Variants in POLD3 observed in about 807,000 individuals in gnomAD.
POLD3 encodes DNA polymerase delta 3, accessory subunit.
In POLD3, 19 loss-of-function variants were observed where a neutral mutation model predicts 58.2. The ratio of observed to expected loss-of-function variants is 0.33; its 90% confidence interval spans 0.23 to 0.48. The LOEUF (loss-of-function observed/expected upper bound fraction) is 0.48, where lower values mean the gene tolerates loss of function less well. Ranked by LOEUF, POLD3 falls within the 20% of genes least tolerant of loss-of-function variation. The pLI is 0.99. For synonymous variants in POLD3, 172 were observed against 193.5 expected (o/e 0.89, Z 0.92); for missense variants, 504 against 545.5 (o/e 0.92, Z 0.76).
At chr11:74,594,145 C>A (rs150529151) in intron 2 of POLD3, 29 bp downstream of exon 2, 94 of 1,380,212 alleles carry the variant, frequency 6.8e-5, no homozygotes, top group Non-Finnish European at 8.3e-5. Flanking sequence ...CAATTTTAAT[C>A]ATATTGGAAT....
At position 74,616,536 on chromosome 11, in the gene POLD3, C is replaced by G. The variant is rs150186500; in HGVS notation, c.393-2001C>G. ...TTTCAAGGCCAACTTCAGACGTTGA[C>G]AGTGAAATAAAACATTACTCTTTTC... On this transcript the variant is annotated intron_variant, in intron 5 of 11. Coordinates refer to ENST00000263681, the MANE Select transcript of POLD3 (RefSeq NM_006591.3). 1.9e-3 allele frequency among the ~76,000 whole-genome samples: 283 copies of G among 152,316 alleles called. 1 individual carries two copies. Among genetic ancestry groups the G allele is most frequent in the African/African-American group, 6.5e-3 (269 of 41,584 alleles).
rs1310852797 is a variant in POLD3 at position 74,618,642 on chromosome 11, A to T, written c.498A>T (p.Thr166=). ...CACATCTTCACATGTCAAGTGAGAC[A>T]CAAGCCAACAATGAGCTGACCACCA... ...EQSHLHMSSE[T]QANNELTTNG... Residue 166 remains threonine (T), a synonymous_variant, in exon 6 of 12, where the codon ACA becomes ACT. Coordinates refer to ENST00000263681, the MANE Select transcript of POLD3 (RefSeq NM_006591.3). 1 of 1,614,080 alleles carries T rather than the reference A, an allele frequency of 6.2e-7. No individual in the cohort carries two copies.
intron 4 of POLD3, among the ~76,000 whole-genome samples, chr11:74,659,981 C>A (rs1389568438): frequency 1.3e-5 from 2 of 152,168 alleles, no homozygotes; most frequent in Non-Finnish European, 2.9e-5. Context: ...CTATATTAGT[C>A]CATTTTCACA....
At chr11:74,638,867 G>T (rs1033980511) in intron 11 of POLD3, among the ~76,000 whole-genome samples, 1 of 152,346 alleles carries the variant, frequency 6.6e-6, no homozygotes, top group South Asian at 2.1e-4. Context: ...CACAATTTGA[G>T]TAGTAAGGCC....
intron 4 of POLD3, among the ~76,000 whole-genome samples, chr11:74,653,333 A>ACACACACACACACACACACATG (rs58331480): frequency 6.3e-4 from 95 of 151,812 alleles, no homozygotes; most frequent in African/African-American, 2.1e-3. Flanking sequence ...ACACACACAC[A>ACACACACACACACACACACATG]TAGTGTGGTC....
Position 74,618,764 on chromosome 11 carries a change from C to G in POLD3, c.620C>G (p.Thr207Ser). The change falls in exon 6 of 12, where the codon ACC becomes AGC. Residue 207 changes from threonine to serine, a missense_variant. Thr to Ser is a moderately conservative substitution (Grantham distance 58). Transcript: ENST00000263681. ...ASKAAAKTQE[T>S]NKETKTEAKE... ...AAAGCTGCTGCTAAAACCCAAGAAA[C>G]CAACAAGGAAACGAAAACAGAGGCT... The G allele has an allele frequency of 6.2e-7, 1 of 1,613,744 alleles. No homozygotes were observed. The highest frequency in any genetic ancestry group is 8.5e-7 in the Non-Finnish European group (1 of 1,179,720).
intron 9 of POLD3, among the ~76,000 whole-genome samples, chr11:74,633,511 G>C (rs2032656462): frequency 1.3e-5 from 2 of 152,312 alleles, no homozygotes; most frequent in African/African-American, 4.8e-5. Flanking sequence ...TCAGTTGGGA[G>C]AATTTCAGAT....
chr11:74,604,108 A>C (rs967340802), intron 2 of POLD3, among the ~76,000 whole-genome samples: 32 of 152,206 alleles, frequency 2.1e-4, no homozygotes. Context: ...AGAGCTGGAC[A>C]TTTGTGATCA....
chr11:74,594,770 G>A (rs1202200809), intron 2 of POLD3, among the ~76,000 whole-genome samples: 1 of 152,194 alleles, frequency 6.6e-6, no homozygotes, highest in African/African-American at 2.4e-5. Context: ...GAGACTTGGC[G>A]GAAGGCATCT....
At position 74,642,759 on chromosome 11, in the gene POLD3, A is replaced by G; in HGVS notation, c.*1993A>G. On this transcript the variant is annotated 3_prime_UTR_variant, in exon 12 of 12. Transcript: ENST00000263681. ...AAACTGAGTATCTGATGAGTCTCTT[A>G]TTTGATGGATGGTAACAGTGTTGCA... 1 of 984,798 alleles carries G rather than the reference A, an allele frequency of 1.0e-6. No individual in the cohort carries two copies. The highest frequency in any genetic ancestry group is 1.2e-6 in the Non-Finnish European group (1 of 829,408). The allele number at this position is 984,798 out of a possible 1,614,324, so 61.0% of individuals were successfully genotyped here.
rs748355180 is a variant in POLD3, at chr11:74,594,156, TTTTTTTTGTTTTGTTATGCTTTGC to T, written c.116+45_116+68del. 3 of 1,241,678 alleles carry T rather than the reference TTTTTTTTGTTTTGTTATGCTTTGC, an allele frequency of 2.4e-6. No homozygotes were observed. In the African/African-American group the frequency reaches 4.5e-5, roughly 18 times the overall value. The allele number at this position is 1,241,678 out of a possible 1,614,324, so 76.9% of individuals were successfully genotyped here. A position where few individuals can be genotyped will look rare whatever the true frequency, so the allele number is the denominator to read the frequency against. ...CTACCAATTTTAATCATATTGGAAT[TTTTTTTTGTTTTGTTATGCTTTGC>T]TTTTAACTCTACAGATAGCCTACAT... is the stretch of plus-strand genomic sequence containing the variant. On this transcript the variant is annotated intron_variant, in intron 2 of 11. Transcript: ENST00000263681.
At chr11:74,614,642 A>G (rs1030839295) in intron 5 of POLD3, among the ~76,000 whole-genome samples, 10 of 152,142 alleles carry the variant, frequency 6.6e-5, no homozygotes, top group Non-Finnish European at 1.2e-4. Flanking sequence ...CACGGAAGGC[A>G]GAGCTTGCAG....
intron 9 of POLD3, among the ~76,000 whole-genome samples, chr11:74,631,452 A>G (rs1422996964): frequency 6.8e-6 from 1 of 147,834 alleles, no homozygotes; most frequent in African/African-American, 2.5e-5. Flanking sequence ...TGCTTGGTAC[A>G]TGGTTTTCTT....
downstream of POLD3, among the ~76,000 whole-genome samples, chr11:74,644,686 C>T (rs1029950857): frequency 1.3e-5 from 2 of 152,190 alleles, no homozygotes; most frequent in Non-Finnish European, 2.9e-5. Flanking sequence ...TACAATTCCC[C>T]TTCTACTTCA....
At position 74,658,185 on chromosome 11, in the gene POLD3, T is replaced by A. The variant is rs1591329654; in HGVS notation, c.370-10592T>A. On this transcript the variant is annotated intron_variant, in intron 4 of 4. Coordinates refer to the POLD3 transcript ENST00000524752. ...CAGGAGGTGAAAGGCACTTCTTACA[T>A]GGCAGCAGCAAGAGAAAAATGAGGA... Among the ~76,000 whole-genome samples, 4 of 152,172 alleles carry A rather than the reference T, an allele frequency of 2.6e-5. No homozygotes were observed. The East Asian group carries it at 7.7e-4, about 29-fold the overall frequency.
intron 5 of POLD3, among the ~76,000 whole-genome samples, chr11:74,617,559 G>A (rs1176946354): frequency 6.6e-6 from 1 of 151,776 alleles, no homozygotes; most frequent in East Asian, 1.9e-4. Context: ...GTGCCACCAC[G>A]CCCAGCTAAT....
In POLD3 at chr11:74,613,020, T is replaced by G. The variant is rs775225853; in HGVS notation, c.392+10T>G. 1 of 1,605,342 alleles carries G rather than the reference T, an allele frequency of 6.2e-7. No individual in the cohort carries two copies. Among genetic ancestry groups the G allele is most frequent in the South Asian group, 1.1e-5 (1 of 89,256 alleles). ...TGCAGAACTGCAGCAAGTAAGCGTC[T>G]TAATGTTCCTTGTGGGCTTCTTTAC... On this transcript the variant is annotated intron_variant, in intron 5 of 11. Coordinates refer to ENST00000263681, the MANE Select transcript of POLD3 (RefSeq NM_006591.3).
At chr11:74,656,542 A>G (rs4944928) in intron 4 of POLD3, among the ~76,000 whole-genome samples, 124,333 of 151,946 alleles carry the variant, frequency 0.82, 51,052 homozygotes, top group Middle Eastern at 0.94. Flanking sequence ...AGCCAAGATC[A>G]CACCATTGCA....
intron 4 of POLD3, among the ~76,000 whole-genome samples, chr11:74,664,300 A>G (rs990126183): frequency 6.6e-6 from 1 of 152,206 alleles, no homozygotes; most frequent in Non-Finnish European, 1.5e-5. Context: ...AAATGAAAAC[A>G]TACATCCATA....
Sources: gnomAD v4.1 joint callset for allele counts (sites outside exome capture counted in the v4.1 genomes callset) on GRCh38, gnomAD v4.1.1 for gene constraint, MANE v1.5 for transcripts, NCBI Gene and HGNC (gene_info 2026-07-23, HGNC 2026-07-21) for gene names.